SOX6: variants seen among roughly 807,000 people sequenced by gnomAD.
SOX6 encodes transcription factor SOX-6.
In SOX6, 11 loss-of-function variants were observed where a neutral mutation model predicts 97.8. The ratio of observed to expected loss-of-function variants is 0.11; its 90% CI spans 0.07 to 0.19. SOX6 has a LOEUF of 0.19. Ranked by LOEUF, SOX6 falls within the 10% of genes least tolerant of loss-of-function variation. The pLI, the probability that SOX6 is intolerant of heterozygous loss-of-function variation, is 1.00. For synonymous variants in SOX6, 360 were observed against 371.4 expected (o/e 0.97, Z 0.35); for missense variants, 810 against 1,039.5 (o/e 0.78, Z 3.04).
chr11:16,178,629 G>T (rs146595673), intron 6 of SOX6, among the ~76,000 whole-genome samples: 54 of 151,998 alleles, frequency 3.6e-4, no homozygotes, highest in African/African-American at 1.3e-3. Flanking sequence ...TTGCAAGGGA[G>T]TATCATATGT....
intron 4 of SOX6, among the ~76,000 whole-genome samples, chr11:16,570,533 A>G (rs557637647): frequency 7.2e-4 from 110 of 152,256 alleles, no homozygotes; most frequent in African/African-American, 2.6e-3. Flanking sequence ...ATAAACACAC[A>G]CTTTTTCTCT....
At chr11:16,066,333 G>A (rs1482842937) in intron 9 of SOX6, among the ~76,000 whole-genome samples, 1 of 152,140 alleles carries the variant, frequency 6.6e-6, no homozygotes, top group African/African-American at 2.4e-5. Context: ...CCACTATGGA[G>A]CACAATTTGG....
At chr11:16,685,024 C>T (rs1392735569) in intron 3 of SOX6, among the ~76,000 whole-genome samples, 1 of 152,094 alleles carries the variant, frequency 6.6e-6, no homozygotes, top group Admixed American at 6.5e-5. Flanking sequence ...TACTCACTCA[C>T]TACCATGAGG....
chr11:16,177,397 C>T (rs955712656), intron 6 of SOX6, among the ~76,000 whole-genome samples: 3 of 151,894 alleles, frequency 2.0e-5, no homozygotes, highest in African/African-American at 7.2e-5. Context: ...ATAATTTTGT[C>T]ATATCCAAGT....
At chr11:16,709,674 G>A (rs1848162480) in intron 3 of SOX6, among the ~76,000 whole-genome samples, 1 of 152,180 alleles carries the variant, frequency 6.6e-6, no homozygotes, top group Admixed American at 6.5e-5. Flanking sequence ...AGAACTGTGA[G>A]CCAATTAAAC....
Position 16,248,923 on chromosome 11 carries a change from C to T in SOX6, c.446-14252G>A, listed in dbSNP as rs180884723. On this transcript the variant is annotated intron_variant, in intron 3 of 15. Coordinates refer to ENST00000683767, the MANE Select transcript of SOX6 (RefSeq NM_001367873.1). The stretch of plus-strand genomic sequence containing the variant: ...CAATCCTGGCTAACACGGTGAAACC[C>T]CATCTCTACTAAAAATACAAAAAGA... 8.0e-3 allele frequency among the ~76,000 whole-genome samples: 1,213 copies of T among 152,094 alleles called. 11 individuals carry two copies. Among genetic ancestry groups the T allele is most frequent in the Non-Finnish European group, 0.015 (1,037 of 67,974 alleles).
At chr11:16,482,747 G>A (rs1204945167) in intron 4 of SOX6, among the ~76,000 whole-genome samples, 2 of 150,540 alleles carry the variant, frequency 1.3e-5, no homozygotes, top group African/African-American at 4.9e-5. Flanking sequence ...TCATACTTGA[G>A]TATGTAGTGT....
chr11:16,080,321 A>G (rs1016281130), intron 9 of SOX6, among the ~76,000 whole-genome samples: 3 of 151,548 alleles, frequency 2.0e-5, no homozygotes, highest in African/African-American at 4.8e-5. Context: ...ACAAGTTTCT[A>G]TGAGAGAAAG....
intron 3 of SOX6, among the ~76,000 whole-genome samples, chr11:16,294,831 T>C (rs530896497): frequency 2.0e-5 from 3 of 152,070 alleles, no homozygotes; most frequent in Non-Finnish European, 2.9e-5. Flanking sequence ...GTTAAAAGAA[T>C]TTCATAATCT....
chr11:16,267,550 T>C (rs1854117564), intron 3 of SOX6, among the ~76,000 whole-genome samples: 1 of 151,542 alleles, frequency 6.6e-6, no homozygotes, highest in Non-Finnish European at 1.5e-5. Context: ...ATAACCAGTG[T>C]TGGCAAGGAT....
rs1379556224 is a variant in SOX6, at chr11:16,494,721, A to G, written n.610-18333T>C. Among the ~76,000 whole-genome samples, 5 of 152,174 alleles carry G rather than the reference A, an allele frequency of 3.3e-5. No individual in the cohort carries two copies. The East Asian group carries it at 5.8e-4, about 18-fold the overall frequency. ...GAAACCAAGCAGCCTGCCTGGCAAT[A>G]TCAGCTGGGAGGTTGGAGAGACTCC... On this transcript the variant is annotated intron_variant and non_coding_transcript_variant, in intron 4 of 5. Transcript: ENST00000524520.
intron 1 of SOX6, among the ~76,000 whole-genome samples, chr11:16,385,448 C>T (rs1164682332): frequency 6.6e-6 from 1 of 151,926 alleles, no homozygotes; most frequent in East Asian, 1.9e-4. Context: ...TATTGAAGTG[C>T]ATTTTATCCT....
chr11:15,994,009 T>C (rs1369822057), intron 13 of SOX6, among the ~76,000 whole-genome samples: 3 of 152,202 alleles, frequency 2.0e-5, no homozygotes, highest in African/African-American at 7.2e-5. Context: ...CTAGTAATAA[T>C]TTATTTATGT....
intron 9 of SOX6, among the ~76,000 whole-genome samples, chr11:16,083,600 A>T (rs2133958451): frequency 6.6e-6 from 1 of 152,330 alleles, no homozygotes; most frequent in East Asian, 1.9e-4. Flanking sequence ...AAATCTATGT[A>T]CAAGAAGCAA....
At chr11:16,553,819 T>G (rs1847718192) in intron 4 of SOX6, among the ~76,000 whole-genome samples, 1 of 152,242 alleles carries the variant, frequency 6.6e-6, no homozygotes, top group East Asian at 1.9e-4. Flanking sequence ...ATGAACTTTA[T>G]TATTCAAGTC....
Position 16,342,361 on chromosome 11 carries a change from T to C in SOX6, c.-4-1109A>G, listed in dbSNP as rs541011658. On this transcript the variant is annotated intron_variant, in intron 1 of 15. Coordinates refer to ENST00000683767, the MANE Select transcript of SOX6 (RefSeq NM_001367873.1). ...TTTATTACATCTTTAGCTCTAAAAC[T>C]GCTGTGTAATGAAAGGAATAAAATC... Among the ~76,000 whole-genome samples, 3 of 152,092 alleles carry C rather than the reference T, an allele frequency of 2.0e-5. No homozygotes were observed. The South Asian group carries it at 6.2e-4, about 32-fold the overall frequency.
intron 11 of SOX6, among the ~76,000 whole-genome samples, chr11:16,046,907 C>T (rs991937258): frequency 2.6e-5 from 4 of 152,124 alleles, no homozygotes; most frequent in Non-Finnish European, 5.9e-5. Context: ...TTGGAGAAAA[C>T]CCCAGCACTC....
intron 4 of SOX6, among the ~76,000 whole-genome samples, chr11:16,583,610 T>TAC (rs1848052638): frequency 4.9e-5 from 2 of 40,556 alleles, no homozygotes; most frequent in African/African-American, 1.1e-4. Flanking sequence ...TGTGTATATA[T>TAC]ATACATATAT....
At chr11:16,199,335 A>T (rs1851871182) in intron 4 of SOX6, among the ~76,000 whole-genome samples, 1 of 152,164 alleles carries the variant, frequency 6.6e-6, no homozygotes, top group Non-Finnish European at 1.5e-5. Context: ...GATCGTCCAA[A>T]CACTTTCTAT....
Sources: gnomAD v4.1 joint callset for allele counts (sites outside exome capture counted in the v4.1 genomes callset) on GRCh38, gnomAD v4.1.1 for gene constraint, MANE v1.5 for transcripts, NCBI Gene and HGNC (gene_info 2026-07-23, HGNC 2026-07-21) for gene names.